Variants in BRWD3 observed in about 807,000 individuals in gnomAD.
BRWD3 encodes the protein bromodomain and WD repeat domain containing 3.
BRWD3 carries 10 observed loss-of-function variants against 149.7 expected under a neutral mutation model. The ratio of observed to expected loss-of-function variants is 0.07; its 90% CI spans 0.04 to 0.11. The LOEUF is 0.11. BRWD3 is among the 10% of genes least tolerant of loss of function. BRWD3 has a pLI of 1.00. For synonymous variants in BRWD3, 504 were observed against 456.7 expected (o/e 1.10, Z -1.32); for missense variants, 940 against 1,373.2 (o/e 0.68, Z 4.99).
At chrX:80,719,203 C>T (rs190796900) in intron 18 of BRWD3, among the ~76,000 whole-genome samples, 58 of 110,543 alleles carry the variant, frequency 5.2e-4, no homozygotes, top group Non-Finnish European at 7.2e-4. Context: ...GCTAGACTTA[C>T]CGTAGCACTT....
chrX:80,793,904 C>G, intron 4 of BRWD3, 132 bp from the exon 5 acceptor site: 1 of 705,646 alleles, frequency 1.4e-6, no homozygotes, highest in Non-Finnish European at 2.1e-6. Context: ...CAGGCCTGGG[C>G]GCGATGGCTC....
In BRWD3 at chrX:80,696,747, A is replaced by T; in HGVS notation, c.3060T>A (p.Phe1020Leu). The stretch of plus-strand genomic sequence containing the variant: ...CAGAGATAACTACTCACTTAATGGA[A>T]AAAGATTCTCCAGTCATTTTGCCTG... Reference protein sequence around the residue: ...PISGKMTGESFSIKYHDMPDV... With the variant: ...PISGKMTGESLSIKYHDMPDV... Residue 1020 changes from phenylalanine (F) to leucine (L), a missense_variant, in exon 26 of 41, where the codon TTT becomes TTA. Phe to Leu is a conservative substitution (Grantham distance 22). This residue lies in a region of BRWD3 where 158 missense variants were observed against 284.0 expected (regional missense o/e 0.56). Coordinates refer to ENST00000373275, the MANE Select transcript of BRWD3 (RefSeq NM_153252.5). 8.3e-7 allele frequency: 1 copy of T among 1,210,712 alleles called. No individual in the cohort carries two copies. Among genetic ancestry groups the T allele is most frequent in the Non-Finnish European group, 1.1e-6 (1 of 894,947 alleles).
intron 4 of BRWD3, among the ~76,000 whole-genome samples, chrX:80,798,302 G>A (rs192233958): frequency 9.0e-6 from 1 of 110,720 alleles, no homozygotes; most frequent in African/African-American, 3.3e-5. Context: ...TATAAGGGTA[G>A]TTAACTGCTT....
intron 12 of BRWD3, among the ~76,000 whole-genome samples, chrX:80,731,081 T>C (rs750279073): frequency 1.8e-5 from 2 of 111,693 alleles, no homozygotes; most frequent in East Asian, 5.6e-4. Flanking sequence ...AAGCTTTTGA[T>C]ACATACTGCC....
chrX:80,794,115 T>A (rs932977323), intron 4 of BRWD3, among the ~76,000 whole-genome samples: 9 of 110,937 alleles, frequency 8.1e-5, no homozygotes, highest in Non-Finnish European at 1.7e-4. Flanking sequence ...GAGGTGGAGG[T>A]TGCAGTGAGC....
At chrX:80,735,054 T>C in intron 10 of BRWD3, 73 bp downstream of exon 10, 1 of 923,699 alleles carries the variant, frequency 1.1e-6, no homozygotes, top group Non-Finnish European at 1.6e-6. Context: ...GTATCTTTTT[T>C]CTTCATAAAT....
chrX:80,703,381 T>C (rs2072818054), intron 24 of BRWD3, 99 bp downstream of exon 24: 1 of 527,694 alleles, frequency 1.9e-6, no homozygotes, highest in Admixed American at 3.3e-5. Flanking sequence ...ACACTGTATA[T>C]ATTATTATAA....
chrX:80,729,043 T>A, intron 13 of BRWD3, 138 bp from the exon 14 acceptor site: 1 of 516,464 alleles, frequency 1.9e-6, no homozygotes, highest in Non-Finnish European at 3.3e-6. Flanking sequence ...CCGTTAAGTA[T>A]TCATGAAAGA....
chrX:80,745,122 CAA>C (rs746417037), intron 7 of BRWD3, among the ~76,000 whole-genome samples: 62 of 109,261 alleles, frequency 5.7e-4, no homozygotes, highest in African/African-American at 2.0e-3. Context: ...GTACTGAAAC[CAA>C]AAAAAAGATA....
At chrX:80,707,751 A>G (rs1375740583) in intron 21 of BRWD3, among the ~76,000 whole-genome samples, 1 of 112,174 alleles carries the variant, frequency 8.9e-6, no homozygotes, top group Non-Finnish European at 1.9e-5. Context: ...CAAAGACTCA[A>G]TAGATTTCTT....
At chrX:80,757,686 CAA>C (rs755582551) in intron 6 of BRWD3, among the ~76,000 whole-genome samples, 3 of 111,926 alleles carry the variant, frequency 2.7e-5, no homozygotes, top group Non-Finnish European at 5.6e-5. Flanking sequence ...TGTTCTCTAA[CAA>C]AAGACAAAAT....
rs2147692178 is a variant in BRWD3 at position 80,691,098 on chromosome X, G to C, written c.3557C>G (p.Thr1186Ser). The change falls in exon 31 of 41, where the codon ACT becomes AGT. Residue 1186 changes from threonine (T) to serine (S), a missense_variant. Thr to Ser is a moderately conservative substitution (Grantham distance 58). Around this residue, in one of 6 missense-constraint regions of BRWD3, gnomAD observed 349 missense variants for 419.6 expected, o/e 0.83. Transcript: ENST00000373275. ...TCTCCGCCTGATGGTATTGAGGTCA[G>C]TTGGATAAGCAACTACAGTACAATA... The part of the protein sequence containing the change: ...PLYCTVVAYP[T>S]DLNTIRRRLE... 1 of 1,209,623 alleles carries C rather than the reference G, an allele frequency of 8.3e-7. No homozygotes were observed. The highest frequency in any genetic ancestry group is 1.7e-5 in the African/African-American group (1 of 57,671).
intron 8 of BRWD3, among the ~76,000 whole-genome samples, chrX:80,739,646 C>A (rs748659071): frequency 8.9e-6 from 1 of 111,786 alleles, no homozygotes; most frequent in Non-Finnish European, 1.9e-5. Flanking sequence ...CCCTCCTTAT[C>A]TGCAGAGGAC....
chrX:80,682,637 G>A lies in BRWD3; in HGVS notation c.4234-9C>T, dbSNP rs1569244695. On this transcript the variant is annotated splice_polypyrimidine_tract_variant and intron_variant, in intron 37 of 40. Transcript: ENST00000373275. ...AGCATCATGCTATAGATCTGAGAAG[G>A]CAGAAATTATATAGTCTTAACTAGT... 8.3e-7 allele frequency: 1 copy of A among 1,202,325 alleles called. No individual in the cohort carries two copies. Among genetic ancestry groups the A allele is most frequent in the Non-Finnish European group, 1.1e-6 (1 of 888,451 alleles).
At chrX:80,680,199 G>T (rs77684772) in intron 40 of BRWD3, among the ~76,000 whole-genome samples, 12,242 of 111,213 alleles carry the variant, frequency 0.11, 656 homozygotes, top group South Asian at 0.42. Context: ...TCAAATAGCT[G>T]AACATGTTAG....
chrX:80,717,678 C>G lies in BRWD3; in HGVS notation c.2126G>C (p.Arg709Thr), dbSNP rs557188226. 8.3e-7 allele frequency: 1 copy of G among 1,210,495 alleles called. No homozygotes were observed. The highest frequency in any genetic ancestry group is 1.1e-6 in the Non-Finnish European group (1 of 894,338). The change falls in exon 19 of 41, where the codon AGA becomes ACA. Residue 709 changes from arginine (R) to threonine (T), a missense_variant. Coordinates refer to ENST00000373275, the MANE Select transcript of BRWD3 (RefSeq NM_153252.5). ...RRHSSQIEGVRQMHNNAPRSQ... is the reference protein window; with the variant it reads ...RRHSSQIEGVTQMHNNAPRSQ... ...CCGAGGAGCATTGTTATGCATTTGT[C>G]TAACACCTTCAATTTGACTACTATG... is the stretch of plus-strand genomic sequence containing the variant.
Position 80,727,679 on chromosome X carries a change from C to T in BRWD3, c.1386+1073G>A, listed in dbSNP as rs368149511. ...TAATAAGACAAAGACTAGGAGGCTA[C>T]CTTGGATTGTTTGATCAGGGAAGGC... On this transcript the variant is annotated intron_variant, in intron 14 of 40. Coordinates refer to ENST00000373275, the MANE Select transcript of BRWD3 (RefSeq NM_153252.5). Among the ~76,000 whole-genome samples, 7 of 103,131 alleles carry T rather than the reference C, an allele frequency of 6.8e-5. No individual in the cohort carries two copies. In the East Asian group the frequency reaches 9.3e-4, roughly 14 times the overall value. The allele number at this position is 103,131 out of a possible 115,157, so 89.6% of individuals were successfully genotyped here. A position where few individuals can be genotyped will look rare whatever the true frequency, so the allele number is the denominator to read the frequency against.
intron 21 of BRWD3, among the ~76,000 whole-genome samples, chrX:80,709,107 C>T (rs951659919): frequency 4.5e-5 from 5 of 111,111 alleles, no homozygotes; most frequent in Admixed American, 1.9e-4. Flanking sequence ...AACTGTGTAA[C>T]TTATTAATGC....
At chrX:80,753,086 G>T (rs1602394637) in intron 6 of BRWD3, among the ~76,000 whole-genome samples, 1 of 111,412 alleles carries the variant, frequency 9.0e-6, no homozygotes, top group African/African-American at 3.3e-5. Context: ...TGAGTTCCTT[G>T]TATATTTTGG....
Sources: allele counts gnomAD v4.1 joint callset (sites outside exome capture counted in the v4.1 genomes callset), GRCh38; gene constraint gnomAD v4.1.1; regional missense constraint gnomAD v4.1.1; transcripts MANE v1.5; gene names NCBI Gene and HGNC (gene_info 2026-07-23, HGNC 2026-07-21).